NLGN3: variants seen among roughly 807,000 people sequenced by gnomAD.
NLGN3 encodes neuroligin 3.
NLGN3 carries 11 observed loss-of-function variants against 42.9 expected under a neutral mutation model. That is an observed-to-expected ratio of 0.26 (90% CI 0.16 to 0.42). NLGN3 has a LOEUF of 0.42. Among genes scored for constraint, NLGN3 ranks in the 10% least tolerant of loss-of-function variants. The pLI is 1.00. For missense variants in NLGN3, 374 were observed against 733.8 expected (o/e 0.51, Z 5.67); for synonymous variants, 279 against 312.7 (o/e 0.89, Z 1.14).
downstream of NLGN3, chrX:71,171,761 T>C: frequency 1.8e-6 from 1 of 562,089 alleles, no homozygotes; most frequent in Non-Finnish European, 2.2e-6. Context: ...ACTGGAGAAG[T>C]CCTTGGGGCC....
At chrX:71,175,138 T>C (rs2092475927), downstream of NLGN3, among the ~76,000 whole-genome samples, 2 of 111,649 alleles carry the variant, frequency 1.8e-5, 1 homozygote, top group Admixed American at 1.9e-4. Flanking sequence ...TTGTCTACTG[T>C]CAGTGAGTAA....
intron 5 of NLGN3, 34 bp from the exon 6 acceptor site, chrX:71,164,109 C>T (rs1377179875): frequency 8.3e-7 from 1 of 1,198,218 alleles, no homozygotes; most frequent in Admixed American, 2.2e-5. Flanking sequence ...CATCCCTCTG[C>T]CTTCATTGTC....
chrX:71,175,251 G>A (rs755618532), downstream of NLGN3, among the ~76,000 whole-genome samples: 1 of 111,686 alleles, frequency 9.0e-6, no homozygotes, highest in South Asian at 3.7e-4. Context: ...TGAGGAAGAT[G>A]CTCCTTTTCC....
At chrX:71,153,638 G>A in intron 4 of NLGN3, 102 bp downstream of exon 4, 3 of 803,791 alleles carry the variant, frequency 3.7e-6, no homozygotes, top group Non-Finnish European at 5.5e-6. Context: ...GTCCGTTGGT[G>A]TGTTTCTGTT....
intron 4 of NLGN3, among the ~76,000 whole-genome samples, chrX:71,153,907 A>T (rs2092399342): frequency 9.0e-6 from 1 of 111,651 alleles, no homozygotes; most frequent in Non-Finnish European, 1.9e-5. Context: ...AACGGCAAGG[A>T]GATTACCTGT....
chrX:71,164,446 C>A, intron 6 of NLGN3, 118 bp downstream of exon 6: 1 of 712,673 alleles, frequency 1.4e-6, no homozygotes, highest in Non-Finnish European at 2.0e-6. Flanking sequence ...AGCTTGGTAT[C>A]CCTTTGGCAA....
chrX:71,172,584 C>T (rs193199959), downstream of NLGN3, among the ~76,000 whole-genome samples: 6 of 109,510 alleles, frequency 5.5e-5, no homozygotes, highest in African/African-American at 2.0e-4. Flanking sequence ...TGGAGAAGAG[C>T]ATAAATAATG....
chrX:71,158,879 A>G (rs2503132), intron 5 of NLGN3, among the ~76,000 whole-genome samples: 3,057 of 111,902 alleles, frequency 0.027, 45 homozygotes, highest in Middle Eastern at 0.059. Flanking sequence ...ACAATCCTTC[A>G]GCTGCTCTAA....
chrX:71,155,084 G>T, intron 4 of NLGN3, 130 bp from the exon 5 acceptor site: 2 of 711,053 alleles, frequency 2.8e-6, no homozygotes, highest in Non-Finnish European at 4.4e-6. Flanking sequence ...CATGAGTCCT[G>T]CCCTCAGGGA....
At chrX:71,165,911 A>G (rs1435220726) in intron 6 of NLGN3, among the ~76,000 whole-genome samples, 1 of 111,359 alleles carries the variant, frequency 9.0e-6, no homozygotes, top group Admixed American at 9.5e-5. Flanking sequence ...TGGGAAAATG[A>G]GGCTGTCTTT....
intron 5 of NLGN3, among the ~76,000 whole-genome samples, chrX:71,160,947 T>G (rs1216087385): frequency 1.8e-5 from 2 of 111,829 alleles, no homozygotes; most frequent in Admixed American, 1.9e-4. Context: ...GTTTAGTATT[T>G]CAGCCTTCAT....
downstream of NLGN3, among the ~76,000 whole-genome samples, chrX:71,174,533 A>T (rs1218922065): frequency 1.8e-5 from 2 of 111,964 alleles, no homozygotes; most frequent in East Asian, 5.6e-4. Flanking sequence ...AGCGACGATC[A>T]CTCAGTCCCC....
At position 71,169,365 on chromosome X, in the gene NLGN3, C is replaced by T. The variant is rs1346305230; in HGVS notation, c.1815C>T (p.His605=). 8.3e-7 allele frequency: 1 copy of T among 1,205,990 alleles called. No individual in the cohort carries two copies. The change falls in exon 8 of 8, where the codon CAC becomes CAT. Residue 605 remains histidine, a synonymous_variant. Coordinates refer to ENST00000358741, the MANE Select transcript of NLGN3 (RefSeq NM_181303.2). ...KYNPRDQLYL[H]IGLKPRVRDH... is the part of the protein sequence containing the mutation. ...ATCCCCGAGACCAGCTCTACCTTCA[C>T]ATCGGGCTGAAACCAAGGGTCCGAG...
intron 4 of NLGN3, among the ~76,000 whole-genome samples, chrX:71,154,916 C>A (rs907823893): frequency 8.9e-6 from 1 of 112,616 alleles, no homozygotes; most frequent in African/African-American, 3.2e-5. Context: ...CTTTCTGCTG[C>A]CCCCCGCCCC....
rs141221556 is a variant in NLGN3 at position 71,150,117 on chromosome X, G to A, written c.517+1212G>A. Among the ~76,000 whole-genome samples the A allele has an allele frequency of 5.4e-3, 597 of 111,000 alleles. 1 individual carries two copies. Among genetic ancestry groups the A allele is most frequent in the African/African-American group, 0.019 (576 of 30,517 alleles). On this transcript the variant is annotated intron_variant, in intron 3 of 7. Transcript: ENST00000358741. ...CACACCCGAGCATGGAATGAGACCC[G>A]CTGCTGTAGGGATAGTATTTCACCA...
chrX:71,146,153 T>TCACACACACACACA (rs752225810), intron 1 of NLGN3, among the ~76,000 whole-genome samples: 7 of 26,341 alleles, frequency 2.7e-4, no homozygotes, highest in Admixed American at 1.0e-3. Flanking sequence ...TCTCTCTCTC[T>TCACACACACACACA]CACACACACA....
intron 6 of NLGN3, among the ~76,000 whole-genome samples, chrX:71,166,325 G>A (rs982897755): frequency 3.6e-5 from 4 of 110,182 alleles, no homozygotes; most frequent in African/African-American, 1.3e-4. Flanking sequence ...GCGTGGTGGC[G>A]GGTGCCTGTA....
chrX:71,158,930 C>A (rs2092419418), intron 5 of NLGN3, among the ~76,000 whole-genome samples: 2 of 111,774 alleles, frequency 1.8e-5, no homozygotes, highest in African/African-American at 6.5e-5. Context: ...CCTTTTGGGG[C>A]ATCTTGGACC....
chrX:71,159,797 T>A (rs887938499), intron 5 of NLGN3, among the ~76,000 whole-genome samples: 1 of 107,609 alleles, frequency 9.3e-6, no homozygotes, highest in Non-Finnish European at 1.9e-5. Context: ...CAATCTCAGC[T>A]CACTGCCAAC....
Sources: gnomAD v4.1 joint callset for allele counts (sites outside exome capture counted in the v4.1 genomes callset) on GRCh38, gnomAD v4.1.1 for gene constraint, MANE v1.5 for transcripts, NCBI Gene and HGNC (gene_info 2026-07-23, HGNC 2026-07-21) for gene names.